CPT1A: variants seen among roughly 807,000 people sequenced by gnomAD.
CPT1A encodes carnitine O-palmitoyltransferase 1, liver isoform.
CPT1A carries 64 observed loss-of-function variants against 100.8 expected under a neutral mutation model. That is an observed-to-expected ratio of 0.63 (90% CI 0.52 to 0.78). CPT1A has a LOEUF of 0.78. Ranked by LOEUF, CPT1A falls within the 30% of genes least tolerant of loss-of-function variation. The pLI is 0.00. For synonymous variants in CPT1A, 363 were observed against 396.0 expected (o/e 0.92, Z 0.99); for missense variants, 802 against 1,034.1 (o/e 0.78, Z 3.08).
intron 18 of CPT1A, among the ~76,000 whole-genome samples, chr11:68,759,314 G>C (rs1224400409): frequency 6.6e-6 from 1 of 151,386 alleles, no homozygotes; most frequent in Non-Finnish European, 1.5e-5. Context: ...AGAATCACTT[G>C]AGCCCGGGAG....
chr11:68,802,174 T>G (rs3019587), intron 5 of CPT1A, among the ~76,000 whole-genome samples: 142,479 of 152,104 alleles, frequency 0.94, 66,983 homozygotes, highest in Non-Finnish European at 0.98. Context: ...GGGGATGAAA[T>G]GTCCTGGAAC....
At position 68,802,523 on chromosome 11, in the gene CPT1A, C is replaced by T. The variant is rs571448878; in HGVS notation, c.555+1477G>A. On this transcript the variant is annotated intron_variant, in intron 5 of 18. Transcript: ENST00000265641. ...GAGGCAGGCAGATCACGAGGTCAGGCGATGGAGACCATCCTGGCTACAGTG... is the reference window on the plus strand; with the variant it reads ...GAGGCAGGCAGATCACGAGGTCAGGTGATGGAGACCATCCTGGCTACAGTG... Among the ~76,000 whole-genome samples the T allele has an allele frequency of 4.1e-4, 61 of 150,286 alleles. No individual in the cohort carries two copies. In the South Asian group the frequency reaches 4.2e-3, roughly 10 times the overall value.
chr11:68,815,567 C>G, intron 1 of CPT1A, 80 bp from the exon 2 acceptor site: 1 of 1,391,170 alleles, frequency 7.2e-7, no homozygotes, highest in African/African-American at 1.4e-5. Context: ...AGTGCCATTC[C>G]TTCTGAACTT....
chr11:68,832,093 G>C (rs957291353), intron 1 of CPT1A, among the ~76,000 whole-genome samples: 6 of 152,150 alleles, frequency 3.9e-5, no homozygotes, highest in African/African-American at 1.2e-4. Context: ...GAGAAAACCA[G>C]GGCTTAGATG....
At chr11:68,792,953 T>C (rs1453911007) in intron 9 of CPT1A, among the ~76,000 whole-genome samples, 1 of 151,982 alleles carries the variant, frequency 6.6e-6, no homozygotes, top group Non-Finnish European at 1.5e-5. Flanking sequence ...GAGGCTAAGA[T>C]GGGAGGATTC....
chr11:68,812,133 G>A (rs757637724), intron 3 of CPT1A, among the ~76,000 whole-genome samples: 1 of 152,154 alleles, frequency 6.6e-6, no homozygotes, highest in Non-Finnish European at 1.5e-5. Flanking sequence ...GAGCCCTATT[G>A]GCCAGGCTAA....
chr11:68,838,797 C>T (rs1351793375), intron 1 of CPT1A, among the ~76,000 whole-genome samples: 2 of 152,134 alleles, frequency 1.3e-5, no homozygotes, highest in Non-Finnish European at 2.9e-5. Flanking sequence ...GAATTCCTGG[C>T]CTCAAAGCAA....
chr11:68,781,410 A>G (rs1287133816), intron 11 of CPT1A, among the ~76,000 whole-genome samples: 1 of 152,326 alleles, frequency 6.6e-6, no homozygotes, highest in East Asian at 1.9e-4. Context: ...ACTTGAGATC[A>G]GGAGTTCATA....
At chr11:68,802,265 A>G (rs1855921526) in intron 5 of CPT1A, among the ~76,000 whole-genome samples, 1 of 152,088 alleles carries the variant, frequency 6.6e-6, no homozygotes, top group African/African-American at 2.4e-5. Context: ...TTAACAGTAC[A>G]ATTCATGTTG....
At chr11:68,759,029 C>T (rs1186478026) in intron 18 of CPT1A, among the ~76,000 whole-genome samples, 4 of 152,068 alleles carry the variant, frequency 2.6e-5, no homozygotes, top group African/African-American at 4.8e-5. Flanking sequence ...AAGAGGATCG[C>T]GTGAGCCCAG....
At chr11:68,783,201 A>G (rs1316011705) in intron 10 of CPT1A, among the ~76,000 whole-genome samples, 1 of 151,908 alleles carries the variant, frequency 6.6e-6, no homozygotes, top group African/African-American at 2.4e-5. Flanking sequence ...GGCCACCGAA[A>G]AGCATCCCTG....
intron 1 of CPT1A, among the ~76,000 whole-genome samples, chr11:68,816,755 CGTGT>C (rs5792452): frequency 2.8e-3 from 400 of 145,206 alleles, no homozygotes; most frequent in African/African-American, 9.4e-3. Flanking sequence ...TCCAAAAACT[CGTGT>C]GTGTGTGTGT....
rs532510881 is a variant in CPT1A at position 68,814,806 on chromosome 11, C to G, written c.141+528G>C. Among the ~76,000 whole-genome samples the G allele has an allele frequency of 8.5e-5, 13 of 152,248 alleles. 1 individual carries two copies. Among genetic ancestry groups the G allele is most frequent in the African/African-American group, 3.1e-4 (13 of 41,554 alleles). On this transcript the variant is annotated intron_variant, in intron 2 of 18. Transcript: ENST00000265641. ...GGTTCAAGTGATCCTCCCACCTCAG[C>G]CTCCTGAGTAGCTGGGACTACAGGT...
At chr11:68,834,330 G>A (rs1355489310) in intron 1 of CPT1A, among the ~76,000 whole-genome samples, 1 of 152,154 alleles carries the variant, frequency 6.6e-6, no homozygotes, top group East Asian at 1.9e-4. Context: ...CAGCTATTCG[G>A]GAGGCTGAGG....
chr11:68,817,632 T>G (rs1190013254), intron 1 of CPT1A, among the ~76,000 whole-genome samples: 1 of 147,718 alleles, frequency 6.8e-6, no homozygotes, highest in Non-Finnish European at 1.5e-5. Flanking sequence ...GAGGATGGGG[T>G]CAAGGGCAGG....
chr11:68,800,083 T>A (rs1373305225), intron 5 of CPT1A, among the ~76,000 whole-genome samples: 1 of 152,086 alleles, frequency 6.6e-6, no homozygotes, highest in East Asian at 1.9e-4. Flanking sequence ...ATGGTGACCA[T>A]GAGATGGGGC....
rs1326940256 is a variant in CPT1A, at chr11:68,780,759, A to T, written c.1353-14T>A. 2.5e-6 allele frequency: 4 copies of T among 1,608,774 alleles called. No homozygotes were observed. Among genetic ancestry groups the T allele is most frequent in the Non-Finnish European group, 3.4e-6 (4 of 1,175,078 alleles). Reference sequence around the variant, plus strand: ...TTGTCAAACCACCTACGTGAAACACACATGTGTGGAACTTAAGTGTTTAAA... The same window carrying T: ...TTGTCAAACCACCTACGTGAAACACTCATGTGTGGAACTTAAGTGTTTAAA... On this transcript the variant is annotated splice_polypyrimidine_tract_variant and intron_variant, in intron 11 of 18. Coordinates refer to ENST00000265641, the MANE Select transcript of CPT1A (RefSeq NM_001876.4).
chr11:68,807,593 C>T lies in CPT1A; in HGVS notation c.327G>A (p.Leu109=), dbSNP rs1047202617. The T allele has an allele frequency of 6.8e-6, 11 of 1,614,084 alleles. No homozygotes were observed. The Admixed American group carries it at 1.3e-4, about 20-fold the overall frequency. ...GGGCCACCCACAGGCCGGTGCCAAA[C>T]AGCACGCCGCTGACCACGTTCTTCG... ...SQTKNVVSGV[L]FGTGLWVALI... Residue 109 remains leucine, a synonymous_variant, in exon 4 of 19, where the codon CTG becomes CTA. Transcript: ENST00000265641.
chr11:68,841,877 G>A lies in CPT1A; in HGVS notation c.-116C>T. On this transcript the variant is annotated 5_prime_UTR_variant, in exon 1 of 19. Coordinates refer to ENST00000265641, the MANE Select transcript of CPT1A (RefSeq NM_001876.4). The surrounding 1 kb of genome is among the most constrained non-coding windows in gnomAD (Gnocchi z 6.3). ...GCGGGAGCCGGGGAAGGAGGGCCGC[G>A]GGCGAGGCCGAGCGCACCCGACGCC... The A allele has an allele frequency of 1.0e-6, 1 of 987,836 alleles. No homozygotes were observed. Among genetic ancestry groups the A allele is most frequent in the Non-Finnish European group, 1.2e-6 (1 of 832,208 alleles). The allele number at this position is 987,836 out of a possible 1,614,324, so 61.2% of individuals were successfully genotyped here.
Sources: allele counts gnomAD v4.1 joint callset (sites outside exome capture counted in the v4.1 genomes callset), GRCh38; gene constraint gnomAD v4.1.1; non-coding constraint Gnocchi (gnomAD v3.1); transcripts MANE v1.5; gene names NCBI Gene and HGNC (gene_info 2026-07-23, HGNC 2026-07-21).